HSF5: variants seen among roughly 807,000 people sequenced by gnomAD.
HSF5 encodes the protein heat shock transcription factor 5.
A neutral mutation model predicts 50.8 loss-of-function variants in HSF5; 5 were observed. The ratio of observed to expected loss-of-function variants is 0.10; its 90% CI spans 0.05 to 0.21. The LOEUF (loss-of-function observed/expected upper bound fraction) is 0.21. HSF5 is among the 10% of genes least tolerant of loss of function. The pLI is 1.00. For missense variants in HSF5, 564 were observed against 762.6 expected, an observed-to-expected ratio of 0.74 and a Z score of 3.07; for synonymous variants, 307 against 307.4, an observed-to-expected ratio of 1.00 and a Z score of 0.02.
At chr17:58,456,166 T>C (rs62082142) in intron 5 of HSF5, among the ~76,000 whole-genome samples, 53,825 of 142,326 alleles carry the variant, frequency 0.38, 10,512 homozygotes, top group Middle Eastern at 0.53. Context: ...TGTGTGTATA[T>C]ACACACACAC....
chr17:58,443,371 C>T (rs1022580524), intron 5 of HSF5, among the ~76,000 whole-genome samples: 4 of 152,018 alleles, frequency 2.6e-5, no homozygotes, highest in African/African-American at 9.7e-5. Context: ...AAGTCCCACC[C>T]CTGTCTTTCA....
rs181838837 is a variant in HSF5 at position 58,477,610 on chromosome 17, T to C, written c.925+2283A>G. Among the ~76,000 whole-genome samples the C allele has an allele frequency of 1.9e-3, 291 of 151,912 alleles. 2 individuals are homozygous for C. The highest frequency in any genetic ancestry group is 6.5e-3 in the African/African-American group (270 of 41,460). ...CAGTAGCTGGGACTACAGGTGCCCG[T>C]CACCACACCCAGCTAATTTTTTTGT... is the stretch of plus-strand genomic sequence containing the variant. On this transcript the variant is annotated intron_variant, in intron 2 of 5. Transcript: ENST00000323777.
intron 4 of HSF5, among the ~76,000 whole-genome samples, chr17:58,459,395 C>T (rs1183129451): frequency 6.6e-6 from 1 of 151,932 alleles, no homozygotes; most frequent in Non-Finnish European, 1.5e-5. Flanking sequence ...CAGCTGTAAT[C>T]CCAGCACTTT....
chr17:58,452,497 T>C (rs1226044966), intron 5 of HSF5, among the ~76,000 whole-genome samples: 4 of 152,068 alleles, frequency 2.6e-5, no homozygotes, highest in Non-Finnish European at 5.9e-5. Flanking sequence ...TGAGCAATAA[T>C]ATCAAAGCAG....
intron 5 of HSF5, among the ~76,000 whole-genome samples, chr17:58,449,158 A>T (rs1189659889): frequency 6.6e-6 from 1 of 152,244 alleles, no homozygotes; most frequent in African/African-American, 2.4e-5. Context: ...AATAAAAAGC[A>T]AGGAATTAAA....
rs555643200 is a variant in HSF5, at chr17:58,487,803, T to G, written c.472A>C (p.Thr158Pro). Residue 158 changes from threonine (T) to proline (P), a missense_variant, in exon 1 of 6, where the codon ACC (threonine) becomes CCC (proline). This residue lies in a region of HSF5 where 21 missense variants were observed against 75.9 expected (regional missense o/e 0.28). Coordinates refer to ENST00000323777, the MANE Select transcript of HSF5 (RefSeq NM_001080439.3). The part of the protein sequence containing the change: ...PPNRFQRLLI[T>P]SASAATAPLQ... ...GGCGCGGTGGCGGCGGAGGCCGAGG[T>G]GATGAGCAGCCGCTGGAAGCGGTTG... The G allele has an allele frequency of 6.5e-7, 1 of 1,544,192 alleles. No individual in the cohort carries two copies. The highest frequency in any genetic ancestry group is 8.7e-7 in the Non-Finnish European group (1 of 1,155,424).
At chr17:58,435,463 C>T (rs1974415230) in intron 5 of HSF5, among the ~76,000 whole-genome samples, 2 of 152,180 alleles carry the variant, frequency 1.3e-5, no homozygotes, top group South Asian at 2.1e-4. Context: ...ACGAGAATCG[C>T]TTGAACCCAG....
At chr17:58,440,179 T>C (rs1324215789) in intron 5 of HSF5, among the ~76,000 whole-genome samples, 1 of 152,216 alleles carries the variant, frequency 6.6e-6, no homozygotes, top group Non-Finnish European at 1.5e-5. Flanking sequence ...GTAAGCCTTG[T>C]ATTTGAGGCT....
intron 5 of HSF5, among the ~76,000 whole-genome samples, chr17:58,446,728 C>T (rs955957312): frequency 2.0e-5 from 3 of 152,180 alleles, no homozygotes; most frequent in South Asian, 2.1e-4. Context: ...AGGCTGTAGG[C>T]TTGGGGTGCG....
intron 4 of HSF5, among the ~76,000 whole-genome samples, chr17:58,460,515 T>TAC (rs1361931996): frequency 0.012 from 1,197 of 102,594 alleles, 23 homozygotes; most frequent in African/African-American, 0.039. Flanking sequence ...ACACACATAC[T>TAC]TTTTTTTTTT....
intron 1 of HSF5, among the ~76,000 whole-genome samples, chr17:58,482,005 G>C (rs1447383662): frequency 6.6e-6 from 1 of 152,024 alleles, no homozygotes; most frequent in South Asian, 2.1e-4. Flanking sequence ...GTTTCGAAAA[G>C]AAATAATAAA....
intron 1 of HSF5, among the ~76,000 whole-genome samples, chr17:58,480,577 C>T (rs1598203282): frequency 6.6e-6 from 1 of 152,132 alleles, no homozygotes; most frequent in Non-Finnish European, 1.5e-5. Context: ...GGCCATCTTA[C>T]CTTTCGCTTT....
rs948605052 is a variant in HSF5, at chr17:58,421,459, C to T, written c.*901G>A. The T allele has an allele frequency of 1.3e-4, 20 of 152,492 alleles. No individual in the cohort carries two copies. The highest frequency in any genetic ancestry group is 4.1e-4 in the African/African-American group (17 of 41,548). 9.4% of individuals were successfully genotyped at this position (152,492 alleles called of 1,614,324 possible). On this transcript the variant is annotated 3_prime_UTR_variant, in exon 6 of 6. Coordinates refer to ENST00000323777, the MANE Select transcript of HSF5 (RefSeq NM_001080439.3). ...TTAAATCTCTTAATGTTTTTGTTCA[C>T]ACATTGTACATTTTCCTTTCAAAAT...
Position 58,462,889 on chromosome 17 carries a change from C to T in HSF5, c.1435G>A (p.Ala479Thr), listed in dbSNP as rs534764065. ...PVENSTIQES[A>T]AIQQAHVKLK... ...TTGACATGAGCTTGCTGGATGGCTGCAGATTCCTGTATTGTGCTATTTTCA... is the reference window on the plus strand; with the variant it reads ...TTGACATGAGCTTGCTGGATGGCTGTAGATTCCTGTATTGTGCTATTTTCA... Residue 479 changes from alanine to threonine, a missense_variant, in exon 4 of 6, where the codon GCA becomes ACA. Transcript: ENST00000323777. 1.9e-6 allele frequency: 3 copies of T among 1,613,976 alleles called. No homozygotes were observed. Among genetic ancestry groups the T allele is most frequent in the Non-Finnish European group, 2.5e-6 (3 of 1,180,016 alleles).
chr17:58,462,873 G>A lies in HSF5; in HGVS notation c.1451C>T (p.Ala484Val). The A allele has an allele frequency of 6.2e-7, 1 of 1,614,178 alleles. No homozygotes were observed. The highest frequency in any genetic ancestry group is 2.2e-5 in the East Asian group (1 of 44,890). The stretch of plus-strand genomic sequence containing the variant: ...TAGGTGCTCCTTCAGTTTGACATGA[G>A]CTTGCTGGATGGCTGCAGATTCCTG... ...TIQESAAIQQ[A>V]HVKLKEHLNH... Residue 484 changes from alanine (A) to valine (V), a missense_variant, in exon 4 of 6, where the codon GCT (alanine) becomes GTT (valine). By Grantham distance (64) the Ala-to-Val change is moderately conservative. Around this residue, in one of 5 missense-constraint regions of HSF5, gnomAD observed 441 missense variants for 533.6 expected, o/e 0.83. Coordinates refer to ENST00000323777, the MANE Select transcript of HSF5 (RefSeq NM_001080439.3).
chr17:58,427,758 G>C (rs1274739623), intron 5 of HSF5, among the ~76,000 whole-genome samples: 1 of 152,186 alleles, frequency 6.6e-6, no homozygotes. Flanking sequence ...TCCCCACAAG[G>C]GGTGCCTCCT....
intron 4 of HSF5, 67 bp downstream of exon 4, chr17:58,462,715 G>C: frequency 7.0e-7 from 1 of 1,421,000 alleles, no homozygotes; most frequent in Non-Finnish European, 9.6e-7. Context: ...CTCTCCACTA[G>C]AATAGTCTTT....
intron 5 of HSF5, among the ~76,000 whole-genome samples, chr17:58,435,771 C>T (rs1033614558): frequency 6.7e-6 from 1 of 150,296 alleles, no homozygotes; most frequent in African/African-American, 2.5e-5. Flanking sequence ...TGGTGGCGGG[C>T]GCCTGTAGTC....
intron 5 of HSF5, among the ~76,000 whole-genome samples, chr17:58,451,160 C>T (rs1052027673): frequency 3.3e-5 from 5 of 152,170 alleles, no homozygotes; most frequent in Admixed American, 6.5e-5. Flanking sequence ...GGTATATACA[C>T]ACCCAACACT....
Sources: gnomAD v4.1 joint callset for allele counts (sites outside exome capture counted in the v4.1 genomes callset) on GRCh38, gnomAD v4.1.1 for gene constraint, gnomAD v4.1.1 regional missense constraint, MANE v1.5 for transcripts, NCBI Gene and HGNC (gene_info 2026-07-23, HGNC 2026-07-21) for gene names.